Variants in EZR observed in about 807,000 individuals in gnomAD.
EZR encodes the protein cytovillin 2.
A neutral mutation model predicts 74.8 loss-of-function variants in EZR; 40 were observed. That is an observed-to-expected ratio of 0.53 (90% CI 0.42 to 0.70). The LOEUF (loss-of-function observed/expected upper bound fraction) is 0.70. EZR is among the 30% of genes least tolerant of loss of function. EZR has a pLI of 0.00. For missense variants in EZR, 678 were observed against 755.8 expected, an observed-to-expected ratio of 0.90 and a Z score of 1.21; for synonymous variants, 341 against 283.3, an observed-to-expected ratio of 1.20 and a Z score of -2.05.
rs1041585444 is a variant in EZR, at chr6:158,811,335, T to C, written c.12+6747A>G. ...CAGACTGAATTTCACTGCTTCAGAA[T>C]AGAGCTGAAACATCTAACTACCATT... On this transcript the variant is annotated intron_variant, in intron 2 of 13. Transcript: ENST00000367075. 1.2e-4 allele frequency among the ~76,000 whole-genome samples: 9 copies of C among 76,048 alleles called. No individual in the cohort carries two copies. The East Asian group carries it at 2.0e-3, about 17-fold the overall frequency. The allele number at this position is 76,048 out of a possible 152,430, so 49.9% of individuals were successfully genotyped here.
At chr6:158,807,050 C>T (rs779386141) in intron 2 of EZR, among the ~76,000 whole-genome samples, 1 of 152,186 alleles carries the variant, frequency 6.6e-6, no homozygotes, top group East Asian at 1.9e-4. Context: ...CAGTGGCTCA[C>T]GCCTGTAATC....
chr6:158,766,713 G>C lies in EZR; in HGVS notation c.*201C>G, dbSNP rs1562487098. 3 of 615,120 alleles carry C rather than the reference G, an allele frequency of 4.9e-6. No homozygotes were observed. The South Asian group carries it at 5.8e-5, about 12-fold the overall frequency. The allele number at this position is 615,120 out of a possible 1,614,324, so 38.1% of individuals were successfully genotyped here. The stretch of plus-strand genomic sequence containing the variant: ...GAGAATAATCGCGAGAATCAGGCCT[G>C]CTTGGCACTATTACAACTGGGGAAA... On this transcript the variant is annotated 3_prime_UTR_variant, in exon 14 of 14. Coordinates refer to ENST00000367075, the MANE Select transcript of EZR (RefSeq NM_001111077.2).
intron 2 of EZR, among the ~76,000 whole-genome samples, chr6:158,817,557 G>A (rs1777585243): frequency 6.6e-6 from 1 of 152,214 alleles, no homozygotes; most frequent in Non-Finnish European, 1.5e-5. Context: ...CTGGTGTACA[G>A]GGCACCGCTT....
intron 2 of EZR, among the ~76,000 whole-genome samples, chr6:158,815,802 A>C (rs2128578024): frequency 6.6e-6 from 1 of 152,362 alleles, no homozygotes; most frequent in Admixed American, 6.5e-5. Context: ...TTTTAATTGT[A>C]GATATTATAC....
At chr6:158,794,032 T>C (rs1185987432) in intron 2 of EZR, among the ~76,000 whole-genome samples, 1 of 152,210 alleles carries the variant, frequency 6.6e-6, no homozygotes, top group Non-Finnish European at 1.5e-5. Flanking sequence ...ATCCCAGCAC[T>C]TTGGGAGGCC....
chr6:158,780,181 T>TC (rs1382900826), intron 7 of EZR, among the ~76,000 whole-genome samples: 1 of 48,058 alleles, frequency 2.1e-5, no homozygotes, highest in Non-Finnish European at 4.4e-5. Context: ...AGATTCCATA[T>TC]CAAAAAAAAA....
chr6:158,808,507 G>A (rs1777388987), intron 2 of EZR, among the ~76,000 whole-genome samples: 1 of 152,218 alleles, frequency 6.6e-6, no homozygotes, highest in Admixed American at 6.5e-5. Flanking sequence ...TGCTAAGTTA[G>A]AGGAAAAGAA....
At chr6:158,785,632 C>T (rs1390974778) in intron 4 of EZR, 49 bp from the exon 5 acceptor site, 2 of 1,599,926 alleles carry the variant, frequency 1.3e-6, no homozygotes, top group Non-Finnish European at 1.7e-6. Context: ...AGACGAAGGC[C>T]CACTGTCCCC....
intron 2 of EZR, among the ~76,000 whole-genome samples, chr6:158,793,243 A>T (rs1791789911): frequency 6.6e-6 from 1 of 151,680 alleles, no homozygotes; most frequent in South Asian, 2.1e-4. Flanking sequence ...ATCCTCTTTT[A>T]AAAAAATAAA....
intron 2 of EZR, among the ~76,000 whole-genome samples, chr6:158,794,652 TAC>T (rs1268273846): frequency 2.0e-5 from 3 of 152,142 alleles, no homozygotes; most frequent in Non-Finnish European, 4.4e-5. Context: ...CCCCTCAGAT[TAC>T]ACAGTTATCA....
intron 2 of EZR, among the ~76,000 whole-genome samples, chr6:158,793,942 A>C (rs555265109): frequency 2.0e-4 from 31 of 152,372 alleles, no homozygotes; most frequent in African/African-American, 7.5e-4. Flanking sequence ...GACCATTTAC[A>C]TACATACTTT....
chr6:158,814,846 C>T (rs879914286), intron 2 of EZR, among the ~76,000 whole-genome samples: 31 of 152,146 alleles, frequency 2.0e-4, no homozygotes, highest in Admixed American at 7.2e-4. Flanking sequence ...CCGCCTCAGT[C>T]TTTTAAGTAA....
intron 2 of EZR, among the ~76,000 whole-genome samples, chr6:158,803,566 TATATATATATATATAC>T (rs1777245884): frequency 5.0e-3 from 26 of 5,222 alleles, no homozygotes; most frequent in Non-Finnish European, 6.0e-3. Flanking sequence ...TATATATATA[TATATATATATATATAC>T]ATATATATAT....
At chr6:158,777,445 T>C (rs1375461434) in intron 7 of EZR, among the ~76,000 whole-genome samples, 1 of 152,268 alleles carries the variant, frequency 6.6e-6, no homozygotes, top group Non-Finnish European at 1.5e-5. Flanking sequence ...AAGTTCATCA[T>C]GTGACTTCAA....
At chr6:158,785,870 G>T (rs1383242861) in intron 4 of EZR, among the ~76,000 whole-genome samples, 1 of 151,946 alleles carries the variant, frequency 6.6e-6, no homozygotes, top group East Asian at 1.9e-4. Flanking sequence ...ACGTAGAAGA[G>T]ATCCCATCTC....
chr6:158,788,070 TATA>T (rs1338607674), intron 3 of EZR, among the ~76,000 whole-genome samples: 1 of 152,240 alleles, frequency 6.6e-6, no homozygotes, highest in East Asian at 1.9e-4. Context: ...TCCCATGATA[TATA>T]ATGTTAAACT....
At chr6:158,783,029 A>C (rs1387577482) in intron 7 of EZR, among the ~76,000 whole-genome samples, 1 of 152,244 alleles carries the variant, frequency 6.6e-6, no homozygotes, top group Non-Finnish European at 1.5e-5. Context: ...GAGGCAATTA[A>C]GATATCTCCT....
intron 6 of EZR, among the ~76,000 whole-genome samples, chr6:158,784,137 C>A (rs1165356360): frequency 6.6e-6 from 1 of 152,148 alleles, no homozygotes; most frequent in Admixed American, 6.5e-5. Context: ...TGCAGACTCG[C>A]AAGACTAGGC....
chr6:158,781,522 G>C (rs1159085293), intron 7 of EZR, among the ~76,000 whole-genome samples: 1 of 152,204 alleles, frequency 6.6e-6, no homozygotes, highest in Non-Finnish European at 1.5e-5. Flanking sequence ...GCTGACATCA[G>C]CAAGTTCCTG....
Sources: allele counts gnomAD v4.1 joint callset (sites outside exome capture counted in the v4.1 genomes callset), GRCh38; gene constraint gnomAD v4.1.1; transcripts MANE v1.5; gene names NCBI Gene and HGNC (gene_info 2026-07-23, HGNC 2026-07-21).